Variants in FRMD3 observed in about 807,000 individuals in gnomAD.
FRMD3 encodes the protein FERM domain-containing protein 3.
A neutral mutation model predicts 70.2 loss-of-function variants in FRMD3; 33 were observed. The ratio of observed to expected loss-of-function variants is 0.47; its 90% CI spans 0.36 to 0.63. The LOEUF is 0.63. Ranked by LOEUF, FRMD3 falls within the 20% of genes least tolerant of loss-of-function variation. FRMD3 has a pLI of 0.00. For synonymous variants in FRMD3, 279 were observed against 255.9 expected, an observed-to-expected ratio of 1.09 and a Z score of -0.86; for missense variants, 632 against 711.4, an observed-to-expected ratio of 0.89 and a Z score of 1.27.
chr9:83,262,626 TTACTC>T (rs1397288929), intron 13 of FRMD3, among the ~76,000 whole-genome samples: 3 of 152,182 alleles, frequency 2.0e-5, no homozygotes, highest in Admixed American at 2.0e-4. Context: ...ACAAAAAGCA[TTACTC>T]TACCACATAC....
chr9:83,327,843 C>T (rs1270827533), intron 6 of FRMD3, among the ~76,000 whole-genome samples: 1 of 152,120 alleles, frequency 6.6e-6, no homozygotes, highest in Non-Finnish European at 1.5e-5. Context: ...ATATCTCATG[C>T]CTTTCTACAT....
chr9:83,483,077 T>C (rs1487601398), intron 1 of FRMD3, among the ~76,000 whole-genome samples: 1 of 152,134 alleles, frequency 6.6e-6, no homozygotes, highest in African/African-American at 2.4e-5. Flanking sequence ...ACAAATGTGA[T>C]TTGAATTGTA....
At chr9:83,483,082 A>G (rs1453010265) in intron 1 of FRMD3, among the ~76,000 whole-genome samples, 1 of 152,188 alleles carries the variant, frequency 6.6e-6, no homozygotes, top group Admixed American at 6.5e-5. Flanking sequence ...TGTGATTTGA[A>G]TTGTAATCCC....
chr9:83,347,213 T>C (rs897815128), intron 4 of FRMD3, among the ~76,000 whole-genome samples: 6 of 152,342 alleles, frequency 3.9e-5, no homozygotes, highest in African/African-American at 1.4e-4. Flanking sequence ...CCCATATCAG[T>C]GATCTCAGGA....
At chr9:83,333,365 T>G (rs188283266) in intron 6 of FRMD3, among the ~76,000 whole-genome samples, 247 of 152,302 alleles carry the variant, frequency 1.6e-3, no homozygotes, top group African/African-American at 5.7e-3. Flanking sequence ...CCACAGAACT[T>G]ACTTCCAAGA....
chr9:83,248,237 G>C lies in FRMD3; in HGVS notation c.1475C>G (p.Ala492Gly), dbSNP rs376216707. The C allele has an allele frequency of 6.8e-6, 11 of 1,614,144 alleles. No individual in the cohort carries two copies. The highest frequency in any genetic ancestry group is 9.3e-6 in the Non-Finnish European group (11 of 1,180,036). Residue 492 changes from alanine to glycine, a missense_variant, in exon 14 of 14, where the codon GCC (alanine) becomes GGC (glycine). Physicochemically the swap from Ala to Gly is moderately conservative, Grantham distance 60. Transcript: ENST00000304195. ...CTCCTCTTCTTCAGCAATCAAAAAGGCGTTTTCATCTGCTTCCAGATCCTC... is the reference window on the plus strand; with the variant it reads ...CTCCTCTTCTTCAGCAATCAAAAAGCCGTTTTCATCTGCTTCCAGATCCTC... The part of the protein sequence containing the change: ...SFEDLEADEN[A>G]FLIAEEEELK...
intron 1 of FRMD3, among the ~76,000 whole-genome samples, chr9:83,529,036 A>G (rs1453150737): frequency 6.6e-6 from 1 of 152,236 alleles, no homozygotes; most frequent in African/African-American, 2.4e-5. Context: ...TAAAAGCAGC[A>G]TTGTTTTGCA....
intron 1 of FRMD3, among the ~76,000 whole-genome samples, chr9:83,440,944 G>A (rs1229306535): frequency 6.6e-6 from 1 of 152,202 alleles, no homozygotes; most frequent in African/African-American, 2.4e-5. Flanking sequence ...TCCATTTGCA[G>A]TAGGTCTTGG....
At position 83,328,702 on chromosome 9, in the gene FRMD3, C is replaced by T. The variant is rs146118037; in HGVS notation, c.596+6814G>A. Among the ~76,000 whole-genome samples the T allele has an allele frequency of 5.2e-3, 797 of 152,144 alleles. 4 individuals carry two copies. The highest frequency in any genetic ancestry group is 0.015 in the African/African-American group (624 of 41,510). ...GACCCCAGCTTGGGGATGAAATGGC[C>T]GAAAATCTGGGCTAGGCCATCCCAC... On this transcript the variant is annotated intron_variant, in intron 6 of 13. Transcript: ENST00000304195.
chr9:83,301,627 G>A (rs1489396311), intron 10 of FRMD3, among the ~76,000 whole-genome samples: 8 of 152,170 alleles, frequency 5.3e-5, no homozygotes, highest in African/African-American at 1.9e-4. Flanking sequence ...CAAAGCCGGC[G>A]CAGGTGTGAG....
At chr9:83,524,694 T>G (rs989349047) in intron 1 of FRMD3, among the ~76,000 whole-genome samples, 2 of 152,206 alleles carry the variant, frequency 1.3e-5, no homozygotes, top group Admixed American at 1.3e-4. Flanking sequence ...ATATGAGACA[T>G]TGGACCAATC....
At chr9:83,516,954 G>T (rs1829467469) in intron 1 of FRMD3, among the ~76,000 whole-genome samples, 1 of 152,104 alleles carries the variant, frequency 6.6e-6, no homozygotes, top group Non-Finnish European at 1.5e-5. Flanking sequence ...CAGAATCTCT[G>T]GGATACAGCT....
At chr9:83,329,625 G>A (rs1207653792) in intron 6 of FRMD3, among the ~76,000 whole-genome samples, 1 of 152,132 alleles carries the variant, frequency 6.6e-6, no homozygotes, top group Non-Finnish European at 1.5e-5. Context: ...AAGAAATAGA[G>A]ATAATTACTC....
At chr9:83,553,692 T>C in the FRMD3 span, among the ~76,000 whole-genome samples, 5 of 152,376 alleles carry the variant, frequency 3.3e-5, no homozygotes, top group East Asian at 9.6e-4. Context: ...TTTTGTGTTA[T>C]TCAGGTCTGT....
chr9:83,375,410 G>A (rs949972971), intron 2 of FRMD3, among the ~76,000 whole-genome samples: 9 of 152,142 alleles, frequency 5.9e-5, no homozygotes, highest in Admixed American at 4.6e-4. Context: ...TTCAGGCCTG[G>A]TGTATCTCAG....
intron 3 of FRMD3, among the ~76,000 whole-genome samples, chr9:83,363,291 C>T (rs548400350): frequency 4.3e-4 from 65 of 152,174 alleles, no homozygotes; most frequent in Admixed American, 9.8e-4. Context: ...TCATTATTTA[C>T]GTGGTCTTTT....
intron 3 of FRMD3, among the ~76,000 whole-genome samples, chr9:83,355,854 G>A (rs1824318658): frequency 6.6e-6 from 1 of 152,242 alleles, no homozygotes; most frequent in East Asian, 1.9e-4. Context: ...CAGAGAAGGG[G>A]GAAAAAGTGA....
At chr9:83,267,370 A>T in intron 13 of FRMD3, 1 of 1,273,012 alleles carries the variant, frequency 7.9e-7, no homozygotes, top group Non-Finnish European at 1.0e-6. Flanking sequence ...ACAATGAAAG[A>T]TTATGCATCA....
At chr9:83,556,688 A>G in the FRMD3 span, among the ~76,000 whole-genome samples, 1 of 152,020 alleles carries the variant, frequency 6.6e-6, no homozygotes, top group Non-Finnish European at 1.5e-5. Context: ...GTTAGAATTT[A>G]TTTGTATTTC....
Sources: allele counts gnomAD v4.1 joint callset (sites outside exome capture counted in the v4.1 genomes callset), GRCh38; gene constraint gnomAD v4.1.1; transcripts MANE v1.5; gene names NCBI Gene and HGNC (gene_info 2026-07-23, HGNC 2026-07-21).